RBMS1: variants seen among roughly 807,000 people sequenced by gnomAD.
The protein encoded by RBMS1 is RNA binding motif single stranded interacting protein 1.
In RBMS1, 17 loss-of-function variants were observed where a neutral mutation model predicts 62.3. The ratio of observed to expected loss-of-function variants is 0.27; its 90% CI spans 0.19 to 0.41. The LOEUF (loss-of-function observed/expected upper bound fraction) is 0.41. RBMS1 is among the 10% of genes least tolerant of loss of function. RBMS1 has a pLI of 1.00. For missense variants in RBMS1, 334 were observed against 504.5 expected (o/e 0.66, Z 3.24); for synonymous variants, 172 against 170.0 (o/e 1.01, Z -0.09).
At chr2:160,428,831 T>C (rs2105283024) in intron 1 of RBMS1, among the ~76,000 whole-genome samples, 1 of 152,376 alleles carries the variant, frequency 6.6e-6, no homozygotes, top group East Asian at 1.9e-4. Flanking sequence ...CTGTAATAGC[T>C]GTTTTTCTAT....
At chr2:160,303,203 A>C (rs1689309628) in intron 5 of RBMS1, 127 bp downstream of exon 5, 1 of 900,014 alleles carries the variant, frequency 1.1e-6, no homozygotes, top group Non-Finnish European at 1.6e-6. Flanking sequence ...CACATAATTT[A>C]AGTTCACAGT....
At chr2:160,482,396 T>C (rs1174534230) in intron 1 of RBMS1, among the ~76,000 whole-genome samples, 2 of 143,774 alleles carry the variant, frequency 1.4e-5, no homozygotes, top group Admixed American at 7.3e-5. Flanking sequence ...GATTTAAAAT[T>C]TGTGCACTAT....
rs183151422 is a variant in RBMS1 at position 160,304,022 on chromosome 2, C to G, written c.403-535G>C. On this transcript the variant is annotated intron_variant, in intron 4 of 13. Coordinates refer to ENST00000348849, the MANE Select transcript of RBMS1 (RefSeq NM_016836.4). ...CCAACAGTAAAAACAGGTAATTTAA[C>G]GAAAACAAGAAATAACAAAGCCGTA... 2.1e-4 allele frequency among the ~76,000 whole-genome samples: 32 copies of G among 151,734 alleles called. No individual in the cohort carries two copies. The East Asian group carries it at 5.8e-3, about 28-fold the overall frequency.
chr2:160,316,057 A>G (rs1690202520), intron 3 of RBMS1, among the ~76,000 whole-genome samples: 1 of 152,152 alleles, frequency 6.6e-6, no homozygotes, highest in Admixed American at 6.6e-5. Context: ...TTATATTAAT[A>G]TTCTATAATC....
At chr2:160,406,210 G>A (rs1220584902) in intron 1 of RBMS1, among the ~76,000 whole-genome samples, 1 of 152,166 alleles carries the variant, frequency 6.6e-6, no homozygotes, top group Non-Finnish European at 1.5e-5. Context: ...TTAAAGAAAA[G>A]TTAACATAGA....
At chr2:160,440,721 T>A (rs1375133900) in intron 1 of RBMS1, among the ~76,000 whole-genome samples, 1 of 152,188 alleles carries the variant, frequency 6.6e-6, no homozygotes, top group Non-Finnish European at 1.5e-5. Flanking sequence ...TTTCTAGGGA[T>A]TCTTATAGCA....
At chr2:160,424,375 G>GA (rs554793997) in intron 1 of RBMS1, among the ~76,000 whole-genome samples, 3,036 of 131,774 alleles carry the variant, frequency 0.023, 56 homozygotes, top group Non-Finnish European at 0.032. Flanking sequence ...TGGGGGGGGG[G>GA]GGAAACAAAA....
chr2:160,439,608 C>G (rs1244167808), intron 1 of RBMS1, among the ~76,000 whole-genome samples: 1 of 147,836 alleles, frequency 6.8e-6, no homozygotes, highest in East Asian at 2.1e-4. Context: ...ACATCCCAGA[C>G]GATGGGCGGC....
intron 6 of RBMS1, among the ~76,000 whole-genome samples, chr2:160,298,026 T>TAG (rs1485516167): frequency 6.6e-6 from 1 of 152,072 alleles, no homozygotes; most frequent in Non-Finnish European, 1.5e-5. Flanking sequence ...GAGAATACCT[T>TAG]AGAGAGGTAA....
At chr2:160,390,552 C>T (rs954120053) in intron 1 of RBMS1, among the ~76,000 whole-genome samples, 1 of 151,862 alleles carries the variant, frequency 6.6e-6, no homozygotes, top group South Asian at 2.1e-4. Context: ...TTTAATTAGC[C>T]GAGTGTGGTG....
chr2:160,329,077 A>AT (rs1195968483), intron 2 of RBMS1, among the ~76,000 whole-genome samples: 5 of 152,226 alleles, frequency 3.3e-5, no homozygotes, highest in Non-Finnish European at 7.3e-5. Flanking sequence ...ACTGAACACT[A>AT]ACGCTGGCTT....
chr2:160,378,752 T>A (rs938292584), intron 1 of RBMS1, among the ~76,000 whole-genome samples: 1 of 152,164 alleles, frequency 6.6e-6, no homozygotes, highest in Non-Finnish European at 1.5e-5. Flanking sequence ...TGTCTCCCTA[T>A]ATATGTCACA....
intron 1 of RBMS1, among the ~76,000 whole-genome samples, chr2:160,380,221 G>C (rs1219315174): frequency 2.0e-5 from 3 of 152,064 alleles, no homozygotes; most frequent in African/African-American, 4.8e-5. Context: ...AGTGGAAACT[G>C]GCTTCAGGAG....
chr2:160,393,500 G>A (rs1294498235), intron 1 of RBMS1, among the ~76,000 whole-genome samples: 3 of 152,130 alleles, frequency 2.0e-5, no homozygotes, highest in Admixed American at 6.5e-5. Flanking sequence ...CAAGCTGGCC[G>A]GGCGCGGTGG....
At chr2:160,337,660 T>G (rs906363123) in intron 2 of RBMS1, among the ~76,000 whole-genome samples, 1 of 151,668 alleles carries the variant, frequency 6.6e-6, no homozygotes, top group Non-Finnish European at 1.5e-5. Context: ...AGAAAAAAAC[T>G]GGGGGGGAGG....
chr2:160,342,851 T>C (rs1691954709), intron 2 of RBMS1, among the ~76,000 whole-genome samples: 1 of 151,090 alleles, frequency 6.6e-6, no homozygotes, highest in African/African-American at 2.4e-5. Flanking sequence ...GGCAGAAGAA[T>C]CATTTGAACC....
intron 2 of RBMS1, among the ~76,000 whole-genome samples, chr2:160,342,616 T>C (rs1444262108): frequency 1.3e-5 from 2 of 151,844 alleles, no homozygotes; most frequent in African/African-American, 2.4e-5. Context: ...CCAAATGATA[T>C]GTGAAAAAAT....
At chr2:160,294,587 T>C (rs533094470) in intron 6 of RBMS1, among the ~76,000 whole-genome samples, 1 of 152,350 alleles carries the variant, frequency 6.6e-6, no homozygotes, top group East Asian at 1.9e-4. Flanking sequence ...GTTCAGTTTG[T>C]TCATTTTGAG....
chr2:160,365,696 A>T (rs1693358278), intron 2 of RBMS1, among the ~76,000 whole-genome samples: 1 of 148,878 alleles, frequency 6.7e-6, no homozygotes, highest in Admixed American at 6.6e-5. Flanking sequence ...CTCTTCTCTT[A>T]CACCTCATGA....
Sources: gnomAD v4.1 joint callset for allele counts (sites outside exome capture counted in the v4.1 genomes callset) on GRCh38, gnomAD v4.1.1 for gene constraint, MANE v1.5 for transcripts, NCBI Gene and HGNC (gene_info 2026-07-23, HGNC 2026-07-21) for gene names.